TGFB2: variants seen among roughly 807,000 people sequenced by gnomAD.
TGFB2 encodes the protein transforming growth factor beta 2, also known as transforming growth factor beta-2 proprotein.
Under a neutral mutation model 42.7 loss-of-function variants are expected in TGFB2, and 13 were observed. The ratio of observed to expected loss-of-function variants is 0.30; its 90% CI spans 0.20 to 0.48. The LOEUF (loss-of-function observed/expected upper bound fraction) is 0.48. TGFB2 is among the 20% of genes least tolerant of loss of function. TGFB2 has a pLI of 0.99. For synonymous variants in TGFB2, 193 were observed against 193.6 expected (o/e 1.00, Z 0.03); for missense variants, 390 against 517.5 (o/e 0.75, Z 2.39).
chr1:218,378,549 A>G (rs1420229541), intron 1 of TGFB2, among the ~76,000 whole-genome samples: 2 of 151,478 alleles, frequency 1.3e-5, no homozygotes, highest in African/African-American at 2.4e-5. Context: ...TCTGACCTCA[A>G]GTGCTCCTCC....
chr1:218,430,813 C>A (rs1477848647), intron 2 of TGFB2, among the ~76,000 whole-genome samples: 1 of 152,176 alleles, frequency 6.6e-6, no homozygotes, highest in African/African-American at 2.4e-5. Context: ...TAGCATCATT[C>A]ATCCTTGTTA....
chr1:218,372,309 C>T (rs965056173), intron 1 of TGFB2, among the ~76,000 whole-genome samples: 1 of 152,168 alleles, frequency 6.6e-6, no homozygotes, highest in Non-Finnish European at 1.5e-5. Flanking sequence ...TTGGATCCCT[C>T]TGAAATCTAA....
chr1:218,431,963 T>G (rs10482791), intron 2 of TGFB2, among the ~76,000 whole-genome samples: 1 of 152,148 alleles, frequency 6.6e-6, no homozygotes, highest in African/African-American at 2.4e-5. Flanking sequence ...ATGCCAACAT[T>G]CATTGTGTAT....
In TGFB2 at chr1:218,387,830, C is replaced by T. The variant is rs1299001587; in HGVS notation, c.347-17339C>T. ...AAGGCTGGGAAATTAGGATTGATGA[C>T]TCTATGTTGCCTGGCTATGAGACTT... is the stretch of plus-strand genomic sequence containing the variant. On this transcript the variant is annotated intron_variant, in intron 1 of 6. Coordinates refer to ENST00000366930, the MANE Select transcript of TGFB2 (RefSeq NM_003238.6). Among the ~76,000 whole-genome samples, 3 of 152,218 alleles carry T rather than the reference C, an allele frequency of 2.0e-5. No individual in the cohort carries two copies. The East Asian group carries it at 5.8e-4, about 29-fold the overall frequency.
chr1:218,365,102 C>G (rs1287946627), intron 1 of TGFB2, among the ~76,000 whole-genome samples: 1 of 152,102 alleles, frequency 6.6e-6, no homozygotes, highest in Non-Finnish European at 1.5e-5. Context: ...ATGACGATCC[C>G]CATTTTTTAG....
At chr1:218,353,168 A>G (rs1656921053) in intron 1 of TGFB2, among the ~76,000 whole-genome samples, 1 of 152,196 alleles carries the variant, frequency 6.6e-6, no homozygotes, top group South Asian at 2.1e-4. Flanking sequence ...ATTATGAGCG[A>G]TACCCCAGGA....
At chr1:218,406,237 G>C (rs1658907180) in intron 2 of TGFB2, among the ~76,000 whole-genome samples, 1 of 151,590 alleles carries the variant, frequency 6.6e-6, no homozygotes, top group Admixed American at 6.6e-5. Context: ...TATTTGGACA[G>C]CCCTGATGTC....
At position 218,346,612 on chromosome 1, in the gene TGFB2, A is replaced by C; in HGVS notation, c.-90A>C. On this transcript the variant is annotated 5_prime_UTR_variant, in exon 1 of 7. Coordinates refer to ENST00000366930, the MANE Select transcript of TGFB2 (RefSeq NM_003238.6). This position sits in a 1 kb window ranked among gnomAD's most constrained non-coding sequence, Gnocchi z 4.9. The stretch of plus-strand genomic sequence containing the variant: ...AAACAACAACAACAAAAAACCAAAC[A>C]ACTCTCCTTGATCTATACTTTGAGA... The C allele has an allele frequency of 8.3e-7, 1 of 1,209,984 alleles. No homozygotes were observed. The highest frequency in any genetic ancestry group is 1.1e-6 in the Non-Finnish European group (1 of 882,472). 75.0% of individuals were successfully genotyped at this position (1,209,984 alleles called of 1,614,324 possible). A position where few individuals can be genotyped will look rare whatever the true frequency, so the allele number is the denominator to read the frequency against.
chr1:218,369,887 G>A (rs1215946303), intron 1 of TGFB2, among the ~76,000 whole-genome samples: 1 of 152,208 alleles, frequency 6.6e-6, no homozygotes, highest in Non-Finnish European at 1.5e-5. Context: ...GTAAAACTAT[G>A]TCTCTTATCA....
intron 1 of TGFB2, among the ~76,000 whole-genome samples, chr1:218,371,624 G>A (rs908837607): frequency 5.3e-5 from 8 of 152,172 alleles, no homozygotes; most frequent in Non-Finnish European, 1.5e-5. Context: ...CTGAAACTCA[G>A]GCTTACCTCC....
At chr1:218,383,703 C>T (rs10482758) in intron 1 of TGFB2, among the ~76,000 whole-genome samples, 2,393 of 152,292 alleles carry the variant, frequency 0.016, 59 homozygotes, top group African/African-American at 0.052. Flanking sequence ...CACACAGCTA[C>T]GTGGCGAAGG....
At chr1:218,391,036 C>T (rs1398481646) in intron 1 of TGFB2, among the ~76,000 whole-genome samples, 1 of 152,202 alleles carries the variant, frequency 6.6e-6, no homozygotes, top group Non-Finnish European at 1.5e-5. Context: ...TTACTCCCTA[C>T]TATCTTTATA....
At chr1:218,380,018 T>C (rs928809291) in intron 1 of TGFB2, among the ~76,000 whole-genome samples, 3 of 152,214 alleles carry the variant, frequency 2.0e-5, no homozygotes, top group East Asian at 3.8e-4. Context: ...ACATCGATAT[T>C]CATTTGATCC....
At position 218,347,180 on chromosome 1, in the gene TGFB2, C is replaced by T. The variant is rs11466369; in HGVS notation, c.346+133C>T. On this transcript the variant is annotated intron_variant, in intron 1 of 6. Coordinates refer to ENST00000366930, the MANE Select transcript of TGFB2 (RefSeq NM_003238.6). ...TCTTTTCCCGTTCTCCTGTCCTTCACCCCACCACCTCCTTTTCAGTTGTAT... is the reference window on the plus strand; with the variant it reads ...TCTTTTCCCGTTCTCCTGTCCTTCATCCCACCACCTCCTTTTCAGTTGTAT... 1.9e-4 allele frequency: 134 copies of T among 722,134 alleles called. No homozygotes were observed. The African/African-American group carries it at 2.0e-3, about 11-fold the overall frequency. 44.7% of individuals were successfully genotyped at this position (722,134 alleles called of 1,614,324 possible).
intron 1 of TGFB2, among the ~76,000 whole-genome samples, chr1:218,357,612 A>T (rs542659293): frequency 6.6e-6 from 1 of 152,328 alleles, no homozygotes; most frequent in Admixed American, 6.5e-5. Context: ...TTTGGCTTAG[A>T]TGTTCCCTCA....
At chr1:218,403,781 C>T (rs1201275705) in intron 1 of TGFB2, among the ~76,000 whole-genome samples, 2 of 151,790 alleles carry the variant, frequency 1.3e-5, no homozygotes, top group African/African-American at 2.4e-5. Flanking sequence ...CATGAACAAC[C>T]GTGAATGATT....
At chr1:218,357,192 A>G (rs1657065659) in intron 1 of TGFB2, among the ~76,000 whole-genome samples, 1 of 151,698 alleles carries the variant, frequency 6.6e-6, no homozygotes, top group Non-Finnish European at 1.5e-5. Flanking sequence ...AGCCTGGGAG[A>G]CAAGAGCAAG....
intron 2 of TGFB2, among the ~76,000 whole-genome samples, chr1:218,428,801 T>C (rs957304420): frequency 2.0e-5 from 3 of 151,984 alleles, no homozygotes; most frequent in South Asian, 4.2e-4. Context: ...TTGGCTTAGG[T>C]TTGTCTTGGC....
intron 1 of TGFB2, among the ~76,000 whole-genome samples, chr1:218,379,109 G>T (rs1439338645): frequency 1.3e-5 from 2 of 149,556 alleles, no homozygotes; most frequent in Non-Finnish European, 3.0e-5. Flanking sequence ...AGAACACATG[G>T]TACATTTTCT....
Sources: gnomAD v4.1 joint callset for allele counts (sites outside exome capture counted in the v4.1 genomes callset) on GRCh38, gnomAD v4.1.1 for gene constraint, Gnocchi (gnomAD v3.1) non-coding constraint, MANE v1.5 for transcripts, NCBI Gene and HGNC (gene_info 2026-07-23, HGNC 2026-07-21) for gene names.